The following SLC47A2 variants were observed in gnomAD, a reference collection of about 807,000 sequenced individuals.
SLC47A2 encodes the protein solute carrier family 47 member 2, also known as multidrug and toxin extrusion protein 2.
A neutral mutation model predicts 67.7 loss-of-function variants in SLC47A2; 52 were observed. The ratio of observed to expected loss-of-function variants is 0.77; its 90% CI spans 0.61 to 0.97. The LOEUF (loss-of-function observed/expected upper bound fraction) is 0.97. Ranked by LOEUF, SLC47A2 falls within the 50% of genes least tolerant of loss-of-function variation. The probability of loss-of-function intolerance (pLI) is 0.00; values close to 1 mark genes in which losing one functional copy is unlikely to be tolerated. For missense variants in SLC47A2, 676 were observed against 712.3 expected, an observed-to-expected ratio of 0.95 and a Z score of 0.58; for synonymous variants, 278 against 292.9, an observed-to-expected ratio of 0.95 and a Z score of 0.52.
At chr17:19,702,978 C>A in intron 12 of SLC47A2, 114 bp downstream of exon 12, 1 of 1,195,972 alleles carries the variant, frequency 8.4e-7, no homozygotes. Context: ...CAAGCCTGGG[C>A]TCTTCCTGCT....
chr17:19,705,408 G>A, intron 10 of SLC47A2, 28 bp downstream of exon 10: 1 of 1,597,840 alleles, frequency 6.3e-7, no homozygotes, highest in South Asian at 1.1e-5. Flanking sequence ...TGGGGGATGT[G>A]GGGAAGGCAC....
At chr17:19,706,558 G>T in intron 9 of SLC47A2, 90 bp downstream of exon 9, 2 of 1,093,006 alleles carry the variant, frequency 1.8e-6, no homozygotes, top group Admixed American at 2.6e-5. Context: ...GGGGGCTTCT[G>T]GGATGGGTGA....
In SLC47A2 at chr17:19,681,572, G is replaced by A; in HGVS notation, c.1263C>T (p.Ile421=). ...TYYIIGLPLG[I]LLTFVVRMRI... ...TCATTCTGACCACAAAGGTCAGAAG[G>A]ATGCCCAGTGGTAGGCCGATGATGT... The change falls in exon 14 of 17, where the codon ATC becomes ATT. Residue 421 remains isoleucine (I), a synonymous_variant. Transcript: ENST00000433844. The A allele has an allele frequency of 6.2e-7, 1 of 1,614,178 alleles. No individual in the cohort carries two copies. The highest frequency in any genetic ancestry group is 8.5e-7 in the Non-Finnish European group (1 of 1,180,044).
intron 13 of SLC47A2, among the ~76,000 whole-genome samples, chr17:19,689,424 C>T (rs961470021): frequency 6.6e-6 from 1 of 152,212 alleles, no homozygotes; most frequent in East Asian, 1.9e-4. Context: ...TGGCCAGGCA[C>T]GCTGGCTTAT....
At chr17:19,707,609 G>C in intron 8 of SLC47A2, 137 bp downstream of exon 8, 2 of 681,568 alleles carry the variant, frequency 2.9e-6, no homozygotes, top group Non-Finnish European at 4.8e-6. Context: ...CAAAGGGGAA[G>C]GAGGGGGCCG....
Position 19,683,779 on chromosome 17 carries a change from T to C in SLC47A2, c.1165-2109A>G, listed in dbSNP as rs566722281. 6.6e-5 allele frequency among the ~76,000 whole-genome samples: 10 copies of C among 152,340 alleles called. No individual in the cohort carries two copies. The South Asian group carries it at 1.4e-3, about 22-fold the overall frequency. On this transcript the variant is annotated intron_variant, in intron 13 of 16. Coordinates refer to ENST00000433844, the MANE Select transcript of SLC47A2 (RefSeq NM_001099646.3). The stretch of plus-strand genomic sequence containing the variant: ...AGCAGAGAATGGAAGCTTTGCTAGC[T>C]ATCAGAGGTGTTGAACACAGTCTCT...
At position 19,678,923 on chromosome 17, in the gene SLC47A2, G is replaced by A. The variant is rs1368007485; in HGVS notation, c.1481-17C>T. ...CTGTAGCCACTGCGGAAGCAAACAGGAGCAAACTCAGCAGGTCAGGGGTCA... is the reference window on the plus strand; with the variant it reads ...CTGTAGCCACTGCGGAAGCAAACAGAAGCAAACTCAGCAGGTCAGGGGTCA... On this transcript the variant is annotated splice_polypyrimidine_tract_variant and intron_variant, in intron 16 of 16. Coordinates refer to ENST00000433844, the MANE Select transcript of SLC47A2 (RefSeq NM_001099646.3). 7.7e-6 allele frequency: 12 copies of A among 1,555,702 alleles called. No individual in the cohort carries two copies. Among genetic ancestry groups the A allele is most frequent in the Non-Finnish European group, 9.6e-6 (11 of 1,148,382 alleles).
chr17:19,699,547 G>A (rs886732374), intron 13 of SLC47A2, among the ~76,000 whole-genome samples: 2 of 143,404 alleles, frequency 1.4e-5, no homozygotes, highest in Non-Finnish European at 3.0e-5. Context: ...CCGCCTCCCC[G>A]CCGACCCCCT....
chr17:19,716,574 C>G lies in SLC47A2; in HGVS notation c.-19G>C, dbSNP rs1335596439. 1 of 1,584,560 alleles carries G rather than the reference C, an allele frequency of 6.3e-7. No individual in the cohort carries two copies. The highest frequency in any genetic ancestry group is 8.6e-7 in the Non-Finnish European group (1 of 1,167,006). Reference sequence around the variant, plus strand: ...TGTCCATTCCTGGCCGGGGCACTGGCTACCCTGCACGCCTGAGCGCCTGCA... The same window carrying G: ...TGTCCATTCCTGGCCGGGGCACTGGGTACCCTGCACGCCTGAGCGCCTGCA... On this transcript the variant is annotated 5_prime_UTR_variant, in exon 1 of 17. Coordinates refer to ENST00000433844, the MANE Select transcript of SLC47A2 (RefSeq NM_001099646.3).
intron 3 of SLC47A2, 113 bp downstream of exon 3, chr17:19,714,608 C>T (rs565865360): frequency 8.1e-7 from 1 of 1,230,178 alleles, no homozygotes; most frequent in East Asian, 2.3e-5. Context: ...ACCCCAGGGC[C>T]CATTGCTCCC....
chr17:19,695,782 G>A (rs1441160336), intron 13 of SLC47A2, among the ~76,000 whole-genome samples: 1 of 151,148 alleles, frequency 6.6e-6, no homozygotes, highest in African/African-American at 2.4e-5. Context: ...GGTGTGTAAT[G>A]GCACAACCTT....
At chr17:19,690,672 A>G (rs1597600633) in intron 13 of SLC47A2, among the ~76,000 whole-genome samples, 1 of 152,244 alleles carries the variant, frequency 6.6e-6, no homozygotes, top group East Asian at 1.9e-4. Context: ...GAAGACATAC[A>G]AATGGCAAAC....
chr17:19,703,991 A>G (rs774823039), intron 11 of SLC47A2, 79 bp downstream of exon 11: 13 of 1,154,914 alleles, frequency 1.1e-5, no homozygotes, highest in Non-Finnish European at 1.4e-5. Flanking sequence ...CCCTGCCTCC[A>G]GCATGCCAGC....
chr17:19,680,249 G>A (rs375181541), intron 15 of SLC47A2, among the ~76,000 whole-genome samples: 8 of 152,154 alleles, frequency 5.3e-5, no homozygotes, highest in South Asian at 4.2e-4. Flanking sequence ...AGGCCGAGGC[G>A]GGTGGATTGC....
At chr17:19,688,146 C>T (rs1178343494) in intron 13 of SLC47A2, among the ~76,000 whole-genome samples, 1 of 152,084 alleles carries the variant, frequency 6.6e-6, no homozygotes, top group Admixed American at 6.5e-5. Context: ...AACAAAAATA[C>T]TAGCATACCA....
chr17:19,695,646 C>T (rs1266673575), intron 13 of SLC47A2, among the ~76,000 whole-genome samples: 1 of 151,578 alleles, frequency 6.6e-6, no homozygotes, highest in Non-Finnish European at 1.5e-5. Flanking sequence ...GGACTTGTAT[C>T]CAGAATATAT....
Position 19,688,332 on chromosome 17 carries a change from A to C in SLC47A2, c.1165-6662T>G, listed in dbSNP as rs76240822. ...CATCCCTTCATGATTAAAAAAAAAA[A>C]CTCAAAAAAACTGGGTATAGGAGGA... is the stretch of plus-strand genomic sequence containing the variant. On this transcript the variant is annotated intron_variant, in intron 13 of 16. Transcript: ENST00000433844. Among the ~76,000 whole-genome samples, 294 of 152,116 alleles carry C rather than the reference A, an allele frequency of 1.9e-3. 3 individuals are homozygous for C. The highest frequency in any genetic ancestry group is 2.6e-3 in the Admixed American group (39 of 15,258).
intron 5 of SLC47A2, 78 bp downstream of exon 5, chr17:19,712,625 G>T: frequency 2.0e-6 from 3 of 1,473,052 alleles, no homozygotes; most frequent in South Asian, 1.2e-5. Context: ...GGGATCTTCC[G>T]CAGCAGATAG....
At chr17:19,697,712 C>T (rs1005600005) in intron 13 of SLC47A2, among the ~76,000 whole-genome samples, 1 of 151,748 alleles carries the variant, frequency 6.6e-6, no homozygotes, top group Admixed American at 6.6e-5. Flanking sequence ...CTCAGCCTCC[C>T]TAGTAGCTGG....
Sources: gnomAD v4.1 joint callset for allele counts (sites outside exome capture counted in the v4.1 genomes callset) on GRCh38, gnomAD v4.1.1 for gene constraint, MANE v1.5 for transcripts, NCBI Gene and HGNC (gene_info 2026-07-23, HGNC 2026-07-21) for gene names.